Variants in NBPF15 observed in about 807,000 individuals in gnomAD.
NBPF15 encodes the protein NBPF family member NBPF15.
NBPF15 carries 74 observed loss-of-function variants against 62.2 expected under a neutral mutation model. The ratio of observed to expected loss-of-function variants is 1.19; its 90% CI spans 0.99 to 1.44. The LOEUF is 1.44. NBPF15 is among the 40% of genes most tolerant of loss of function. The pLI, the probability that NBPF15 is intolerant of heterozygous loss-of-function variation, is 0.00. For synonymous variants in NBPF15, 244 were observed against 209.7 expected (o/e 1.16, Z -1.41); for missense variants, 790 against 550.0 (o/e 1.44, Z -4.36).
intron 3 of NBPF15, among the ~76,000 whole-genome samples, chr1:144,457,391 A>G (rs1246050143): frequency 6.6e-6 from 1 of 151,940 alleles, no homozygotes; most frequent in Non-Finnish European, 1.5e-5. Context: ...TGCTACAGTA[A>G]CAAAAGCCCC....
chr1:144,441,420 C>A (rs1553542634), intron 6 of NBPF15, among the ~76,000 whole-genome samples: 1 of 151,098 alleles, frequency 6.6e-6, no homozygotes, highest in Non-Finnish European at 1.5e-5. Flanking sequence ...ATTTAGATAT[C>A]TTCTTATGGA....
rs1222502556 is a variant in NBPF15 at position 144,461,531 on chromosome 1, C to A, written c.-1088G>T. 38 of 153,332 alleles carry A rather than the reference C, an allele frequency of 2.5e-4. No homozygotes were observed. The highest frequency in any genetic ancestry group is 3.9e-4 in the Non-Finnish European group (27 of 69,106). The allele number at this position is 153,332 out of a possible 1,614,324, so 9.5% of individuals were successfully genotyped here. On this transcript the variant is annotated 5_prime_UTR_variant, in exon 1 of 22. Transcript: ENST00000581897. ...CGCCCGTCCCGCGTTCCCAAAAGCA[C>A]CGCGTTCACTCAGATGCTCACGCAG...
chr1:144,442,687 A>G lies in NBPF15; in HGVS notation c.-190-2392T>C, dbSNP rs1318627074. On this transcript the variant is annotated intron_variant, in intron 6 of 21. Coordinates refer to ENST00000581897, the MANE Select transcript of NBPF15 (RefSeq NM_001385408.1). ...GGACCCACCTTCCATCTGGGCCGCC[A>G]TCCCAGGGAAAACCTTCCTCAACAT... 3.8e-4 allele frequency: 61 copies of G among 161,924 alleles called. 1 individual carries two copies. Among genetic ancestry groups the G allele is most frequent in the Middle Eastern group, 3.0e-3 (2 of 668 alleles). The allele number at this position is 161,924 out of a possible 1,614,324, so 10.0% of individuals were successfully genotyped here. A position where few individuals can be genotyped will look rare whatever the true frequency, so the allele number is the denominator to read the frequency against.
chr1:144,436,251 T>C (rs1182301845), intron 10 of NBPF15, among the ~76,000 whole-genome samples: 5 of 151,932 alleles, frequency 3.3e-5, no homozygotes, highest in African/African-American at 1.2e-4. Context: ...TGTCCCACAG[T>C]CCTCTATGCA....
intron 2 of NBPF15, 101 bp from the exon 3 acceptor site, chr1:144,459,584 C>T (rs1292102164): frequency 6.6e-6 from 1 of 151,536 alleles, no homozygotes; most frequent in Admixed American, 6.6e-5. Flanking sequence ...AAGGGAAATG[C>T]AATACATATA....
chr1:144,442,495 G>A (rs1317270929), intron 6 of NBPF15: 2 of 150,282 alleles, frequency 1.3e-5, no homozygotes. Context: ...TGGCGAGGAG[G>A]ACAGCACCTG....
Position 144,427,967 on chromosome 1 carries a change from T to TA in NBPF15, c.1063_1064insT (p.Glu355ValfsTer5). ...GTCCTGCAAGACTTCAGGCTCTTTC[T>TA]CATCCAGCAGCTCCCTGCTGAGCCT... On this transcript the variant is annotated frameshift_variant, in exon 16 of 22. Transcript: ENST00000581897. LOFTEE classifies it high-confidence loss of function. The TA allele has an allele frequency of 1.3e-6, 1 of 779,610 alleles. No individual in the cohort carries two copies. Among genetic ancestry groups the TA allele is most frequent in the Non-Finnish European group, 2.4e-6 (1 of 422,866 alleles). The allele number at this position is 779,610 out of a possible 1,614,324, so 48.3% of individuals were successfully genotyped here.
At chr1:144,436,829 G>C in intron 10 of NBPF15, 66 bp downstream of exon 10, 1 of 1,586,734 alleles carries the variant, frequency 6.3e-7, no homozygotes, top group East Asian at 2.2e-5. Context: ...CATTGTGAAA[G>C]TATGGAGGTC....
At position 144,460,013 on chromosome 1, in the gene NBPF15, T is replaced by A. The variant is rs1190588281; in HGVS notation, c.-818-530A>T. Among the ~76,000 whole-genome samples the A allele has an allele frequency of 2.8e-5, 4 of 140,878 alleles. No homozygotes were observed. The East Asian group carries it at 8.2e-4, about 29-fold the overall frequency. The allele number at this position is 140,878 out of a possible 152,430, so 92.4% of individuals were successfully genotyped here. A position where few individuals can be genotyped will look rare whatever the true frequency, so the allele number is the denominator to read the frequency against. On this transcript the variant is annotated intron_variant, in intron 2 of 21. Coordinates refer to ENST00000581897, the MANE Select transcript of NBPF15 (RefSeq NM_001385408.1). ...TCTGTGGTGGTTCACTTGGTAAAAA[T>A]TCATTACCTGTACTTTTTTTTTTTT...
chr1:144,453,457 C>T (rs1482550490), intron 4 of NBPF15, among the ~76,000 whole-genome samples: 3 of 150,694 alleles, frequency 2.0e-5, no homozygotes, highest in African/African-American at 7.3e-5. Context: ...GCACAATCTA[C>T]TAATGAAAAA....
chr1:144,455,071 T>TGGAGGGAGGGAA (rs1195697899), intron 4 of NBPF15, among the ~76,000 whole-genome samples: 1 of 120,112 alleles, frequency 8.3e-6, no homozygotes, highest in Non-Finnish European at 1.7e-5. Context: ...AAGGAAAGAA[T>TGGAGGGAGGGAA]GGAGGGAGGG....
rs1261263342 is a variant in NBPF15 at position 144,441,471 on chromosome 1, C to T, written c.-190-1176G>A. 3.1e-4 allele frequency among the ~76,000 whole-genome samples: 47 copies of T among 149,518 alleles called. 1 individual carries two copies. Among genetic ancestry groups the T allele is most frequent in the Middle Eastern group, 3.2e-3 (1 of 314 alleles). ...TTTTTATATTCATTGATATACTGGG[C>T]TGTTTGTCAATTTCTTTGTAATAGG... On this transcript the variant is annotated intron_variant, in intron 6 of 21. Transcript: ENST00000581897.
chr1:144,440,246 A>T lies in NBPF15; in HGVS notation c.-141T>A, dbSNP rs1681773578. The T allele has an allele frequency of 6.6e-7, 1 of 1,516,776 alleles. No individual in the cohort carries two copies. Among genetic ancestry groups the T allele is most frequent in the African/African-American group, 1.4e-5 (1 of 72,574 alleles). The allele number at this position is 1,516,776 out of a possible 1,614,324, so 94.0% of individuals were successfully genotyped here. ...GAGCTGAAAGCACTGTCAGTAGCGC[A>T]GACTCTGATAAGAGTGAGGTAGATT... On this transcript the variant is annotated 5_prime_UTR_variant, in exon 7 of 22. Transcript: ENST00000581897.
At chr1:144,445,969 G>A (rs1162653528) in intron 6 of NBPF15, among the ~76,000 whole-genome samples, 22 of 144,736 alleles carry the variant, frequency 1.5e-4, no homozygotes, top group South Asian at 6.7e-4. Flanking sequence ...TGATCCTCCT[G>A]CCTCAGCCTC....
Position 144,423,144 on chromosome 1 carries a change from A to G in NBPF15, c.1882T>C (p.Tyr628His). 6.2e-7 allele frequency: 1 copy of G among 1,611,606 alleles called. No individual in the cohort carries two copies. Among genetic ancestry groups the G allele is most frequent in the Non-Finnish European group, 8.5e-7 (1 of 1,179,598 alleles). Residue 628 changes from tyrosine to histidine, a missense_variant, in exon 22 of 22, where the codon TAC becomes CAC. Coordinates refer to ENST00000581897, the MANE Select transcript of NBPF15 (RefSeq NM_001385408.1). ...YFEQPDSFQH[Y>H]RSVFYSFEEE... ...TCAAATGAGTAAAACACACTTCTGT[A>G]GTGCTGGAATGAGTCAGGTTGTTCA...
rs1295211523 is a variant in NBPF15, at chr1:144,422,867, G to C, written c.*146C>G. The C allele has an allele frequency of 3.4e-5, 53 of 1,576,310 alleles. 1 individual carries two copies. Among genetic ancestry groups the C allele is most frequent in the South Asian group, 4.8e-5 (4 of 83,436 alleles). Reference sequence around the variant, plus strand: ...TCAGATTGAGCACAGGTTGCCAATGGCATGGTTTGAGAATAGGAATAGAGC... The same window carrying C: ...TCAGATTGAGCACAGGTTGCCAATGCCATGGTTTGAGAATAGGAATAGAGC... On this transcript the variant is annotated 3_prime_UTR_variant, in exon 22 of 22. Transcript: ENST00000581897.
At chr1:144,423,799 T>A (rs1667508691) in intron 21 of NBPF15, 71 bp downstream of exon 21, 1 of 737,914 alleles carries the variant, frequency 1.4e-6, no homozygotes, top group African/African-American at 1.7e-5. Flanking sequence ...TCAAACACAC[T>A]CTGGTTTCCC....
At chr1:144,427,268 G>T (rs1670431401) in intron 16 of NBPF15, among the ~76,000 whole-genome samples, 170 bp from the exon 17 acceptor site, 1 of 145,896 alleles carries the variant, frequency 6.9e-6, no homozygotes, top group Admixed American at 6.9e-5. Context: ...GAGATTCCTT[G>T]GTTTTTGTCC....
intron 8 of NBPF15, among the ~76,000 whole-genome samples, chr1:144,438,968 C>CT (rs1680811500): frequency 6.6e-6 from 1 of 151,560 alleles, no homozygotes; most frequent in African/African-American, 2.4e-5. Context: ...GCTTTTTATT[C>CT]TTATTTTTAT....
Sources: allele counts gnomAD v4.1 joint callset (sites outside exome capture counted in the v4.1 genomes callset), GRCh38; gene constraint gnomAD v4.1.1; transcripts MANE v1.5; gene names NCBI Gene and HGNC (gene_info 2026-07-23, HGNC 2026-07-21).